ZNF782: variants seen among roughly 807,000 people sequenced by gnomAD.
The protein encoded by ZNF782 is zinc finger protein 782.
A neutral mutation model predicts 13.0 loss-of-function variants in ZNF782; 12 were observed. The observed-to-expected ratio is 0.92, with a 90% CI of 0.59 to 1.50. The LOEUF (loss-of-function observed/expected upper bound fraction) is 1.50. Ranked by LOEUF, ZNF782 falls within the 40% of genes most tolerant of loss-of-function variation. The probability of loss-of-function intolerance (pLI) is 0.00; values close to 1 mark genes in which losing one functional copy is unlikely to be tolerated. For synonymous variants in ZNF782, 284 were observed against 283.0 expected, an observed-to-expected ratio of 1.00 and a Z score of -0.04; for missense variants, 770 against 822.9, an observed-to-expected ratio of 0.94 and a Z score of 0.79.
the ZNF782 span, among the ~76,000 whole-genome samples, chr9:96,903,504 C>T: frequency 1.4e-5 from 2 of 144,300 alleles, no homozygotes; most frequent in African/African-American, 2.6e-5. Context: ...TGAAACACCG[C>T]TATACAAGTT....
chr9:96,910,768 CT>C, the ZNF782 span, among the ~76,000 whole-genome samples: 1 of 148,604 alleles, frequency 6.7e-6, no homozygotes, highest in Admixed American at 6.8e-5. Context: ...TCCCGAGTAG[CT>C]GGGACTACAG....
the ZNF782 span, among the ~76,000 whole-genome samples, chr9:96,881,988 A>AGTGTGTGTGT: frequency 1.3e-5 from 2 of 148,292 alleles, no homozygotes; most frequent in East Asian, 2.0e-4. Flanking sequence ...TGGAAGTATG[A>AGTGTGTGTGT]GTGTGTGTGT....
chr9:96,878,422 A>G (rs1375806818), upstream of ZNF782, among the ~76,000 whole-genome samples: 1 of 152,230 alleles, frequency 6.6e-6, no homozygotes, highest in Non-Finnish European at 1.5e-5. Context: ...AAATTTGATT[A>G]TAGCAGTGCA....
rs748168923 is a variant in ZNF782 at position 96,818,480 on chromosome 9, A to C, written c.1543T>G (p.Phe515Val). ...PYKCDECGKA[F>V]KLKSGLRKHH... is the part of the protein sequence containing the mutation. ...TTCCTCAGGCCTGACTTCAGTTTGA[A>C]AGCTTTCCCACATTCATCACATTTA... Residue 515 changes from phenylalanine (F) to valine (V), a missense_variant, in exon 6 of 6, where the codon TTC becomes GTC. Physicochemically the swap from Phe to Val is conservative, Grantham distance 50. Coordinates refer to ENST00000481138, the MANE Select transcript of ZNF782 (RefSeq NM_001001662.3). 1 of 1,613,992 alleles carries C rather than the reference A, an allele frequency of 6.2e-7. No homozygotes were observed. The highest frequency in any genetic ancestry group is 1.1e-5 in the South Asian group (1 of 91,076).
chr9:96,880,310 G>C (rs571663210), upstream of ZNF782, among the ~76,000 whole-genome samples: 142 of 152,216 alleles, frequency 9.3e-4, no homozygotes, highest in African/African-American at 3.3e-3. Context: ...AGGATTCCCA[G>C]TACTATGTTG....
intron 4 of ZNF782, among the ~76,000 whole-genome samples, chr9:96,837,759 T>C (rs1203005265): frequency 1.3e-5 from 2 of 152,228 alleles, no homozygotes; most frequent in African/African-American, 4.8e-5. Context: ...ATTTGTCTTA[T>C]GATTTTTTGA....
At chr9:96,874,597 C>T (rs536112078) in intron 1 of ZNF782, among the ~76,000 whole-genome samples, 18 of 152,298 alleles carry the variant, frequency 1.2e-4, no homozygotes, top group African/African-American at 4.1e-4. Context: ...AATGACATCA[C>T]CAGATCCAGC....
the ZNF782 span, chr9:96,897,778 C>G: frequency 2.0e-5 from 3 of 151,626 alleles, no homozygotes; most frequent in Non-Finnish European, 4.4e-5. Context: ...CCTCCTGCCA[C>G]CTCTTCTCCA....
the ZNF782 span, among the ~76,000 whole-genome samples, chr9:96,911,110 T>C: frequency 6.7e-6 from 1 of 149,104 alleles, no homozygotes; most frequent in Non-Finnish European, 1.5e-5. Context: ...TGTGACCATG[T>C]TCATTATAAT....
the ZNF782 span, among the ~76,000 whole-genome samples, chr9:96,883,534 G>A: frequency 1.2e-4 from 18 of 152,162 alleles, no homozygotes; most frequent in East Asian, 2.3e-3. Context: ...CTAAAGGGAC[G>A]GAGGAGAATA....
At chr9:96,872,530 C>A (rs1016394079) in intron 1 of ZNF782, among the ~76,000 whole-genome samples, 100 of 138,658 alleles carry the variant, frequency 7.2e-4, no homozygotes, top group East Asian at 8.4e-4. Context: ...GACTCTGTCT[C>A]AAAAAAAAAA....
chr9:96,846,791 A>C (rs1851351054), intron 3 of ZNF782, among the ~76,000 whole-genome samples: 1 of 152,186 alleles, frequency 6.6e-6, no homozygotes, highest in Admixed American at 6.5e-5. Context: ...ATCAAGACAG[A>C]AAGCCAACAA....
the ZNF782 span, among the ~76,000 whole-genome samples, chr9:96,912,201 A>G: frequency 5.3e-3 from 782 of 147,206 alleles, 7 homozygotes; most frequent in African/African-American, 0.018. Flanking sequence ...CCGTCTCGAA[A>G]AAAAAAAAAA....
chr9:96,882,027 T>C, the ZNF782 span, among the ~76,000 whole-genome samples: 1 of 151,632 alleles, frequency 6.6e-6, no homozygotes, highest in Non-Finnish European at 1.5e-5. Context: ...GTATACTCAT[T>C]GTAATAACAT....
the ZNF782 span, among the ~76,000 whole-genome samples, chr9:96,925,677 A>G: frequency 3.3e-5 from 5 of 150,162 alleles, no homozygotes; most frequent in African/African-American, 1.2e-4. Context: ...CACTGACTTG[A>G]GTTTGTAGTA....
intron 4 of ZNF782, among the ~76,000 whole-genome samples, chr9:96,830,921 T>C (rs1000879138): frequency 6.6e-6 from 1 of 152,238 alleles, no homozygotes; most frequent in Admixed American, 6.5e-5. Context: ...AACTAAATAC[T>C]CAGTGGATGG....
At chr9:96,888,652 G>C in the ZNF782 span, 1 of 152,200 alleles carries the variant, frequency 6.6e-6, no homozygotes, top group Non-Finnish European at 1.5e-5. Flanking sequence ...GGATGCACTT[G>C]GATGTGGTCA....
the ZNF782 span, among the ~76,000 whole-genome samples, chr9:96,900,077 G>C: frequency 3.3e-5 from 5 of 152,022 alleles, no homozygotes; most frequent in African/African-American, 1.2e-4. Flanking sequence ...GGGATTACAG[G>C]CGTGAGCCAT....
chr9:96,867,109 G>A (rs928423029), intron 1 of ZNF782, among the ~76,000 whole-genome samples: 4 of 151,998 alleles, frequency 2.6e-5, no homozygotes, highest in Non-Finnish European at 5.9e-5. Flanking sequence ...GGCATGATTG[G>A]TTTTGAAATG....
Sources: gnomAD v4.1 joint callset for allele counts (sites outside exome capture counted in the v4.1 genomes callset) on GRCh38, gnomAD v4.1.1 for gene constraint, MANE v1.5 for transcripts, NCBI Gene and HGNC (gene_info 2026-07-23, HGNC 2026-07-21) for gene names.